Variants in EFHD1 observed in about 807,000 individuals in gnomAD.
The protein encoded by EFHD1 is EF-hand domain family member D1, also known as EF-hand domain-containing protein D1.
EFHD1 carries 10 observed loss-of-function variants against 17.2 expected under a neutral mutation model. The observed-to-expected ratio is 0.58, with a 90% CI of 0.36 to 0.99. The LOEUF (loss-of-function observed/expected upper bound fraction) is 0.99. Ranked by LOEUF, EFHD1 falls within the 50% of genes least tolerant of loss-of-function variation. EFHD1 has a pLI of 0.01. For missense variants in EFHD1, 310 were observed against 327.5 expected (o/e 0.95, Z 0.41); for synonymous variants, 153 against 142.0 (o/e 1.08, Z -0.55).
At position 232,634,141 on chromosome 2, in the gene EFHD1, G is replaced by C. The variant is rs1398563003; in HGVS notation, c.302+135G>C. 8 of 1,443,164 alleles carry C rather than the reference G, an allele frequency of 5.5e-6. No homozygotes were observed. In the African/African-American group the frequency reaches 8.8e-5, roughly 16 times the overall value. 89.4% of individuals were successfully genotyped at this position (1,443,164 alleles called of 1,614,324 possible). ...GGTAGCATTTGGCCCAACGCAGCCA[G>C]ATCTTGCGTGCTCGGGTCTATCTCG... On this transcript the variant is annotated intron_variant, in intron 1 of 3. Coordinates refer to ENST00000264059, the MANE Select transcript of EFHD1 (RefSeq NM_025202.4).
At chr2:232,681,175 A>C (rs983236654) in intron 3 of EFHD1, among the ~76,000 whole-genome samples, 8 of 152,110 alleles carry the variant, frequency 5.3e-5, no homozygotes, top group Non-Finnish European at 7.3e-5. Context: ...AAATAAATAA[A>C]TAAAAAATAA....
At chr2:232,625,873 T>TA (rs5839441) in intron 1 of EFHD1, among the ~76,000 whole-genome samples, 8 of 151,772 alleles carry the variant, frequency 5.3e-5, no homozygotes, top group African/African-American at 1.4e-4. Context: ...ACTCCTCATT[T>TA]AAAAAAAAAT....
At chr2:232,634,582 G>A (rs546836015) in intron 1 of EFHD1, among the ~76,000 whole-genome samples, 2 of 152,178 alleles carry the variant, frequency 1.3e-5, no homozygotes, top group African/African-American at 4.8e-5. Context: ...GCGCGGGGAG[G>A]GGGGGCGGTT....
chr2:232,635,690 G>A (rs1008411611), intron 1 of EFHD1, among the ~76,000 whole-genome samples: 12 of 152,078 alleles, frequency 7.9e-5, no homozygotes, highest in Non-Finnish European at 1.8e-4. Context: ...GTGGTGGCGC[G>A]GGCCTGTAGT....
At chr2:232,629,696 T>G (rs1694168811), upstream of EFHD1, among the ~76,000 whole-genome samples, 1 of 152,014 alleles carries the variant, frequency 6.6e-6, no homozygotes, top group Admixed American at 6.6e-5. Context: ...CTCGAACTCC[T>G]GACCTCAGGT....
chr2:232,637,403 G>A (rs939632629), intron 1 of EFHD1, among the ~76,000 whole-genome samples: 19 of 150,090 alleles, frequency 1.3e-4, no homozygotes, highest in Non-Finnish European at 2.4e-4. Flanking sequence ...GAGTGCAGTG[G>A]TGCGATCTTG....
intron 1 of EFHD1, among the ~76,000 whole-genome samples, chr2:232,613,975 T>TAC (rs919043507): frequency 6.6e-6 from 1 of 150,802 alleles, no homozygotes; most frequent in Non-Finnish European, 1.5e-5. Flanking sequence ...CACACGTGAA[T>TAC]ACACACACAC....
upstream of EFHD1, among the ~76,000 whole-genome samples, chr2:232,632,168 T>C (rs988934898): frequency 2.6e-5 from 4 of 152,202 alleles, no homozygotes; most frequent in Non-Finnish European, 5.9e-5. Flanking sequence ...TAGCGCCCCG[T>C]GATCTATTTG....
At chr2:232,669,222 C>T (rs1695023183) in intron 2 of EFHD1, among the ~76,000 whole-genome samples, 1 of 152,188 alleles carries the variant, frequency 6.6e-6, no homozygotes, top group Admixed American at 6.5e-5. Flanking sequence ...GGCCTGTCTT[C>T]TTTCAAGTCA....
At chr2:232,666,483 G>A (rs975470713) in intron 2 of EFHD1, among the ~76,000 whole-genome samples, 3 of 152,232 alleles carry the variant, frequency 2.0e-5, no homozygotes, top group Non-Finnish European at 4.4e-5. Flanking sequence ...CTGAGAGGGT[G>A]TTTCGTGGCT....
At chr2:232,612,282 A>C (rs1378568187) in intron 1 of EFHD1, among the ~76,000 whole-genome samples, 5 of 152,316 alleles carry the variant, frequency 3.3e-5, no homozygotes, top group Non-Finnish European at 5.9e-5. Context: ...CATTAAAAGC[A>C]AGCATGGGCT....
At chr2:232,667,376 G>A (rs1229064937) in intron 2 of EFHD1, among the ~76,000 whole-genome samples, 1 of 152,132 alleles carries the variant, frequency 6.6e-6, no homozygotes, top group African/African-American at 2.4e-5. Flanking sequence ...ATAATGCAAT[G>A]TGGGGTGCCC....
intron 1 of EFHD1, among the ~76,000 whole-genome samples, chr2:232,645,646 C>T (rs1694514047): frequency 6.6e-6 from 1 of 152,178 alleles, no homozygotes; most frequent in Non-Finnish European, 1.5e-5. Flanking sequence ...TAATGGCTGA[C>T]TTCATGGATC....
intron 1 of EFHD1, among the ~76,000 whole-genome samples, chr2:232,615,124 G>A (rs1392191571): frequency 6.6e-6 from 1 of 152,074 alleles, no homozygotes; most frequent in African/African-American, 2.4e-5. Context: ...CAAGTAGAGG[G>A]GACTACATGC....
chr2:232,613,352 A>AG, intron 1 of EFHD1, among the ~76,000 whole-genome samples: 1 of 152,024 alleles, frequency 6.6e-6, no homozygotes, highest in East Asian at 1.9e-4. Context: ...TGAACCCTGG[A>AG]GGCAGAGGTT....
chr2:232,647,964 G>A (rs1000479538), intron 1 of EFHD1, among the ~76,000 whole-genome samples: 4 of 152,154 alleles, frequency 2.6e-5, no homozygotes, highest in Non-Finnish European at 4.4e-5. Context: ...TGCAGACCTG[G>A]CAAGGTGGCT....
intron 1 of EFHD1, among the ~76,000 whole-genome samples, chr2:232,644,463 G>A (rs1377142469): frequency 1.3e-5 from 2 of 151,896 alleles, no homozygotes; most frequent in African/African-American, 2.4e-5. Flanking sequence ...AGTCAGGTGT[G>A]AGTGTGTGTT....
chr2:232,654,457 G>T (rs111286152), intron 1 of EFHD1, among the ~76,000 whole-genome samples: 12,803 of 119,684 alleles, frequency 0.11, 718 homozygotes, highest in African/African-American at 0.19. Flanking sequence ...GTCTCACTCT[G>T]TCACCCAGGG....
upstream of EFHD1, among the ~76,000 whole-genome samples, chr2:232,631,707 C>CAA (rs761585159): frequency 7.4e-5 from 9 of 121,462 alleles, no homozygotes; most frequent in African/African-American, 2.8e-4. Flanking sequence ...AAAAAAAAAA[C>CAA]AAAAACAAAA....
Sources: allele counts gnomAD v4.1 joint callset (sites outside exome capture counted in the v4.1 genomes callset), GRCh38; gene constraint gnomAD v4.1.1; transcripts MANE v1.5; gene names NCBI Gene and HGNC (gene_info 2026-07-23, HGNC 2026-07-21).